The following SCARF1 variants were observed in gnomAD, a reference collection of about 807,000 sequenced individuals.
SCARF1 encodes scavenger receptor class F member 1, also known as acetyl LDL receptor.
A neutral mutation model predicts 76.3 loss-of-function variants in SCARF1; 49 were observed. The ratio of observed to expected loss-of-function variants is 0.64; its 90% CI spans 0.51 to 0.81. SCARF1 has a LOEUF of 0.81. SCARF1 is among the 40% of genes least tolerant of loss of function. SCARF1 has a pLI of 0.00. For missense variants in SCARF1, 1,098 were observed against 1,143.9 expected (o/e 0.96, Z 0.58); for synonymous variants, 495 against 474.6 (o/e 1.04, Z -0.56).
chr17:1,645,243 T>G lies in SCARF1; in HGVS notation c.102-4A>C. On this transcript the variant is annotated splice_region_variant and splice_polypyrimidine_tract_variant and intron_variant, in intron 1 of 10. Coordinates refer to ENST00000263071, the MANE Select transcript of SCARF1 (RefSeq NM_003693.4). This position sits in a 1 kb window ranked among gnomAD's most constrained non-coding sequence, Gnocchi z 6.3. ...GCACTGCAGCTCAGCAGAGGGGCTG[T>G]GGGGCAAAAAGGGGTCAGCCGGACA... 1 of 1,612,620 alleles carries G rather than the reference T, an allele frequency of 6.2e-7. No individual in the cohort carries two copies. Among genetic ancestry groups the G allele is most frequent in the African/African-American group, 1.3e-5 (1 of 74,852 alleles).
At position 1,638,943 on chromosome 17, in the gene SCARF1, CG is replaced by C; in HGVS notation, c.1244-18del. The stretch of plus-strand genomic sequence containing the variant: ...TGCCAGAGCCTGGGGGAGCCAGAAA[CG>C]GGGGATATTCAGGCCTTCCTGTCTC... On this transcript the variant is annotated intron_variant, in intron 7 of 10. Transcript: ENST00000263071. 6.4e-7 allele frequency: 1 copy of C among 1,572,944 alleles called. No homozygotes were observed. Among genetic ancestry groups the C allele is most frequent in the Non-Finnish European group, 8.7e-7 (1 of 1,155,248 alleles).
chr17:1,637,360 CTA>C (rs1466595050), intron 8 of SCARF1, among the ~76,000 whole-genome samples: 11,109 of 149,764 alleles, frequency 0.074, 476 homozygotes, highest in East Asian at 0.13. Context: ...ATCTATCTAT[CTA>C]TCTATCTATA....
Position 1,636,752 on chromosome 17 carries a change from T to G in SCARF1, c.1590A>C (p.Gly530=). ...DDSFSSDPES[G]EADEVPAYCV... ...AGTAGGCAGGAACCTCATCTGCCTCTCCAGACTCAGGATCGGATGAGAAGG... is the reference window on the plus strand; with the variant it reads ...AGTAGGCAGGAACCTCATCTGCCTCGCCAGACTCAGGATCGGATGAGAAGG... Residue 530 remains glycine, a synonymous_variant, in exon 10 of 11, where the codon GGA becomes GGC. Transcript: ENST00000263071. 1 of 1,614,094 alleles carries G rather than the reference T, an allele frequency of 6.2e-7. No individual in the cohort carries two copies. The highest frequency in any genetic ancestry group is 8.5e-7 in the Non-Finnish European group (1 of 1,180,006).
In SCARF1 at chr17:1,645,272, T is replaced by G. The variant is rs1910441234; in HGVS notation, c.102-33A>C. The G allele has an allele frequency of 1.2e-6, 2 of 1,609,770 alleles. No homozygotes were observed. The highest frequency in any genetic ancestry group is 1.7e-6 in the Non-Finnish European group (2 of 1,178,776). The stretch of plus-strand genomic sequence containing the variant: ...GCAAAAAGGGGTCAGCCGGACATGG[T>G]GGGGGGTGCAGCCTGGCCCTGAGGA... On this transcript the variant is annotated intron_variant, in intron 1 of 10. Transcript: ENST00000263071. The surrounding 1 kb of genome is among the most constrained non-coding windows in gnomAD (Gnocchi z 6.3).
At position 1,639,806 on chromosome 17, in the gene SCARF1, G is replaced by A. The variant is rs149534529; in HGVS notation, c.1140-64C>T. The A allele has an allele frequency of 9.2e-5, 147 of 1,605,854 alleles. 1 individual carries two copies. The African/African-American group carries it at 1.3e-3, about 14-fold the overall frequency. On this transcript the variant is annotated intron_variant, in intron 6 of 10. Transcript: ENST00000263071. Reference sequence around the variant, plus strand: ...GAAGTGGGGGAGGCAGGCAGGAGACGGGCAGGGAGATTTCTGGGCACTGTC... The same window carrying A: ...GAAGTGGGGGAGGCAGGCAGGAGACAGGCAGGGAGATTTCTGGGCACTGTC...
chr17:1,642,174 ATATT>A (rs1300865608), intron 4 of SCARF1, among the ~76,000 whole-genome samples: 1 of 150,250 alleles, frequency 6.7e-6, no homozygotes, highest in Non-Finnish European at 1.5e-5. Context: ...TTTTTTAAAT[ATATT>A]TATATATATT....
Position 1,638,825 on chromosome 17 carries a change from G to A in SCARF1, c.1345C>T (p.Arg449Ter), listed in dbSNP as rs368868827. Residue 449 changes from arginine to a stop codon, truncating the protein, a stop_gained, in exon 8 of 11, where the codon CGA becomes TGA. Coordinates refer to ENST00000263071, the MANE Select transcript of SCARF1 (RefSeq NM_003693.4). LOFTEE classifies it high-confidence loss of function. Reference sequence around the variant, plus strand: ...GTTCACCTGTCCTTGAGGTCTGATCGGGGGGCCCAGCAGCAGCAGGCACAG... The same window carrying A: ...GTTCACCTGTCCTTGAGGTCTGATCAGGGGGCCCAGCAGCAGCAGGCACAG... Reference protein sequence around the residue: ...ACCACCCWAPRSDLKDRPARD... With the variant: ...ACCACCCWAP 5.6e-6 allele frequency: 9 copies of A among 1,609,140 alleles called. No individual in the cohort carries two copies. The Admixed American group carries it at 8.4e-5, about 15-fold the overall frequency.
rs762868311 is a variant in SCARF1, at chr17:1,637,082, A to C, written c.1365-20T>G. 1 of 1,613,286 alleles carries C rather than the reference A, an allele frequency of 6.2e-7. No individual in the cohort carries two copies. The highest frequency in any genetic ancestry group is 8.5e-7 in the Non-Finnish European group (1 of 1,179,878). On this transcript the variant is annotated intron_variant, in intron 8 of 10. Coordinates refer to ENST00000263071, the MANE Select transcript of SCARF1 (RefSeq NM_003693.4). ...GCTGGCCTGAGGGAGGAGGGTAGGG[A>C]CACTGGTCAGTACATGAGACCCACG...
intron 4 of SCARF1, among the ~76,000 whole-genome samples, chr17:1,641,557 T>G (rs1421349280): frequency 6.6e-6 from 1 of 152,188 alleles, no homozygotes; most frequent in Non-Finnish European, 1.5e-5. Context: ...ATTTGCCATA[T>G]CTTAATTTCC....
At position 1,645,299 on chromosome 17, in the gene SCARF1, G is replaced by C; in HGVS notation, c.102-60C>G. The C allele has an allele frequency of 1.3e-6, 2 of 1,590,310 alleles. No homozygotes were observed. The highest frequency in any genetic ancestry group is 8.6e-7 in the Non-Finnish European group (1 of 1,166,624). On this transcript the variant is annotated intron_variant, in intron 1 of 10. Coordinates refer to ENST00000263071, the MANE Select transcript of SCARF1 (RefSeq NM_003693.4). This position sits in a 1 kb window ranked among gnomAD's most constrained non-coding sequence, Gnocchi z 6.3. The stretch of plus-strand genomic sequence containing the variant: ...GGGGGTGCAGCCTGGCCCTGAGGAA[G>C]GTGGATCACTGTCTCTGGCTGCAGT...
Position 1,645,027 on chromosome 17 carries a change from A to T in SCARF1, c.164-92T>A, listed in dbSNP as rs1910417482. 6.5e-7 allele frequency: 1 copy of T among 1,532,184 alleles called. No homozygotes were observed. Among genetic ancestry groups the T allele is most frequent in the Non-Finnish European group, 8.9e-7 (1 of 1,120,154 alleles). The allele number at this position is 1,532,184 out of a possible 1,614,324, so 94.9% of individuals were successfully genotyped here. A position where few individuals can be genotyped will look rare whatever the true frequency, so the allele number is the denominator to read the frequency against. ...TGGCTCCAGGGGCCATGCCTCCTCA[A>T]GAGGTGCCCCTTCAGGCCTGGGGGT... On this transcript the variant is annotated intron_variant, in intron 2 of 10. Coordinates refer to ENST00000263071, the MANE Select transcript of SCARF1 (RefSeq NM_003693.4). The surrounding 1 kb of genome is among the most constrained non-coding windows in gnomAD (Gnocchi z 6.3).
chr17:1,643,920 AG>A lies in SCARF1; in HGVS notation c.312del (p.Cys105AlafsTer262). On this transcript the variant is annotated frameshift_variant, in exon 4 of 11. Transcript: ENST00000263071. LOFTEE classifies it high-confidence loss of function. ...GGCTCGCACTGGCCGTGCGGGTGGCAGGGGCAGCTCTCACGGCAGTCGGGGC... is the reference window on the plus strand; with the variant it reads ...GGCTCGCACTGGCCGTGCGGGTGGCAGGGCAGCTCTCACGGCAGTCGGGGC... ...YWGPDCRESC[P>X]CHPHGQCEPA... 3 of 1,347,884 alleles carry A rather than the reference AG, an allele frequency of 2.2e-6. No individual in the cohort carries two copies. Among genetic ancestry groups the A allele is most frequent in the Non-Finnish European group, 1.9e-6 (2 of 1,052,680 alleles). The allele number at this position is 1,347,884 out of a possible 1,614,324, so 83.5% of individuals were successfully genotyped here.
intron 8 of SCARF1, among the ~76,000 whole-genome samples, chr17:1,637,365 T>C (rs1052317708): frequency 6.2e-5 from 6 of 96,562 alleles, no homozygotes; most frequent in Admixed American, 3.7e-4. Context: ...TCTATCTATC[T>C]ATCTATATCT....
Position 1,640,095 on chromosome 17 carries a change from T to G in SCARF1, c.1011-55A>C, listed in dbSNP as rs1209681513. On this transcript the variant is annotated intron_variant, in intron 5 of 10. Transcript: ENST00000263071. The surrounding 1 kb of genome is among the most constrained non-coding windows in gnomAD (Gnocchi z 4.7). ...AGACCAAGGCAGGCCTGGCCCCCAC[T>G]GTGGGGCCCCACCCCTCCGCCCCAC... 2 of 1,591,892 alleles carry G rather than the reference T, an allele frequency of 1.3e-6. No homozygotes were observed. Among genetic ancestry groups the G allele is most frequent in the African/African-American group, 2.7e-5 (2 of 74,510 alleles).
rs893932269 is a variant in SCARF1, at chr17:1,640,193, G to A, written c.1011-153C>T. The A allele has an allele frequency of 2.1e-6, 2 of 932,476 alleles. No individual in the cohort carries two copies. Among genetic ancestry groups the A allele is most frequent in the South Asian group, 3.4e-5 (2 of 58,650 alleles). The allele number at this position is 932,476 out of a possible 1,614,324, so 57.8% of individuals were successfully genotyped here. On this transcript the variant is annotated intron_variant, in intron 5 of 10. Coordinates refer to ENST00000263071, the MANE Select transcript of SCARF1 (RefSeq NM_003693.4). The surrounding 1 kb of genome is among the most constrained non-coding windows in gnomAD (Gnocchi z 4.7). ...CAGGTGCAAATAGGGCCTTGAACTT[G>A]GGGCCAAATCCAGCAGGTGACAGAC...
rs965197068 is a variant in SCARF1, at chr17:1,635,392, G to A, written c.1859C>T (p.Ser620Phe). The A allele has an allele frequency of 1.2e-6, 2 of 1,613,692 alleles. No individual in the cohort carries two copies. The highest frequency in any genetic ancestry group is 1.3e-5 in the African/African-American group (1 of 75,066). Reference sequence around the variant, plus strand: ...CTCAGGACCCGACTGCGCCCCCCGGGAGAGCCTCTTGGGCTTTCGGAGCGG... The same window carrying A: ...CTCAGGACCCGACTGCGCCCCCCGGAAGAGCCTCTTGGGCTTTCGGAGCGG... ...SSPLRKPKRL[S>F]RGAQSGPEGR... is the part of the protein sequence containing the mutation. The change falls in exon 11 of 11, where the codon TCC becomes TTC. Residue 620 changes from serine (S) to phenylalanine (F), a missense_variant. By Grantham distance (155) the Ser-to-Phe change is radical (BLOSUM62 -2). Transcript: ENST00000263071.
Position 1,636,713 on chromosome 17 carries a change from T to C in SCARF1, c.1629A>G (p.Gln543=), listed in dbSNP as rs956195396. 2.5e-6 allele frequency: 4 copies of C among 1,613,904 alleles called. No individual in the cohort carries two copies. The highest frequency in any genetic ancestry group is 1.1e-5 in the South Asian group (1 of 91,074). ...TGTGGGCTGTTGGGGGGCTACCTTC[T>C]TGGGGTGGCACACAGTAGGCAGGAA... The part of the protein sequence containing the change: ...DEVPAYCVPP[Q]EGMVPVAQAG... The change falls in exon 10 of 11, where the codon CAA becomes CAG. Residue 543 remains glutamine, a synonymous_variant. Transcript: ENST00000263071.
Position 1,643,771 on chromosome 17 carries a change from C to G in SCARF1, c.462G>C (p.Trp154Cys). ...ACGGGCGGCGGCACGTGGACGACCACCAGCCGGGTTCGCAGTGGCACACGC... is the reference window on the plus strand; with the variant it reads ...ACGGGCGGCGGCACGTGGACGACCAGCAGCCGGGTTCGCAGTGGCACACGC... Reference protein sequence around the residue: ...ATGVCHCEPGWWSSTCRRPCQ... With the variant: ...ATGVCHCEPGCWSSTCRRPCQ... Residue 154 changes from tryptophan to cysteine, a missense_variant, in exon 4 of 11, where the codon TGG becomes TGC. Transcript: ENST00000263071. 7.8e-7 allele frequency: 1 copy of G among 1,280,564 alleles called. No individual in the cohort carries two copies. Among genetic ancestry groups the G allele is most frequent in the Non-Finnish European group, 9.8e-7 (1 of 1,017,650 alleles). The allele number at this position is 1,280,564 out of a possible 1,614,324, so 79.3% of individuals were successfully genotyped here.
In SCARF1 at chr17:1,639,894, C is replaced by G. The variant is rs138762567; in HGVS notation, c.1139+18G>C. ...TAGGCCCCTGGCACTCTCCCGCCCC[C>G]GGGATCCCCATCCTTACCTGGGCCC... is the stretch of plus-strand genomic sequence containing the variant. On this transcript the variant is annotated intron_variant, in intron 6 of 10. Coordinates refer to ENST00000263071, the MANE Select transcript of SCARF1 (RefSeq NM_003693.4). The G allele has an allele frequency of 5.0e-6, 8 of 1,612,390 alleles. No homozygotes were observed. The highest frequency in any genetic ancestry group is 2.2e-5 in the South Asian group (2 of 90,848).
Sources: gnomAD v4.1 joint callset for allele counts (sites outside exome capture counted in the v4.1 genomes callset) on GRCh38, gnomAD v4.1.1 for gene constraint, Gnocchi (gnomAD v3.1) non-coding constraint, MANE v1.5 for transcripts, NCBI Gene and HGNC (gene_info 2026-07-23, HGNC 2026-07-21) for gene names.